LMNTD1: variants seen among roughly 807,000 people sequenced by gnomAD.
LMNTD1 encodes lamin tail domain containing 1.
Under a neutral mutation model 50.9 loss-of-function variants are expected in LMNTD1, and 35 were observed. The ratio of observed to expected loss-of-function variants is 0.69; its 90% CI spans 0.53 to 0.91. The LOEUF is 0.91. Among genes scored for constraint, LMNTD1 ranks in the 40% least tolerant of loss-of-function variants. LMNTD1 has a pLI of 0.00. For missense variants in LMNTD1, 470 were observed against 475.5 expected (o/e 0.99, Z 0.11); for synonymous variants, 153 against 161.9 (o/e 0.94, Z 0.42).
rs1449956627 is a variant in LMNTD1 at position 25,529,640 on chromosome 12, A to G, written c.492-2685T>C. 2.0e-5 allele frequency among the ~76,000 whole-genome samples: 3 copies of G among 152,082 alleles called. No homozygotes were observed. In the South Asian group the frequency reaches 6.2e-4, roughly 31 times the overall value. Reference sequence around the variant, plus strand: ...TGACTGCTGCCTTTATCACGCTCTCATCATTTCTGTGAGACACTGAATCAA... The same window carrying G: ...TGACTGCTGCCTTTATCACGCTCTCGTCATTTCTGTGAGACACTGAATCAA... On this transcript the variant is annotated intron_variant, in intron 4 of 9. Coordinates refer to ENST00000458174, the MANE Select transcript of LMNTD1 (RefSeq NM_001145728.2).
chr12:25,529,322 T>C (rs1942052141), intron 4 of LMNTD1, among the ~76,000 whole-genome samples: 1 of 152,184 alleles, frequency 6.6e-6, no homozygotes, highest in South Asian at 2.1e-4. Context: ...ATTAATACAC[T>C]CATGACTGCT....
intron 1 of LMNTD1, among the ~76,000 whole-genome samples, chr12:25,645,218 G>A (rs1042360873): frequency 3.9e-5 from 6 of 152,102 alleles, no homozygotes; most frequent in Admixed American, 6.6e-5. Context: ...GGGAGAGTGG[G>A]GCCAGAAAAT....
At chr12:25,639,042 G>A (rs776737187) in intron 1 of LMNTD1, among the ~76,000 whole-genome samples, 12 of 152,018 alleles carry the variant, frequency 7.9e-5, no homozygotes, top group Non-Finnish European at 1.6e-4. Context: ...TTTTGACAAG[G>A]GTGCTAAGGC....
upstream of LMNTD1, among the ~76,000 whole-genome samples, chr12:25,557,909 T>C (rs1944108643): frequency 6.6e-6 from 1 of 152,258 alleles, no homozygotes; most frequent in South Asian, 2.1e-4. Flanking sequence ...TAACACATTA[T>C]TGGAGAACAA....
At chr12:25,623,763 A>G (rs906332977) in intron 1 of LMNTD1, among the ~76,000 whole-genome samples, 5 of 152,142 alleles carry the variant, frequency 3.3e-5, no homozygotes, top group Middle Eastern at 3.4e-3. Context: ...TGGCCAACAG[A>G]TGCTAAAAAC....
At chr12:25,548,745 A>G (rs984252028) in intron 3 of LMNTD1, among the ~76,000 whole-genome samples, 1 of 152,012 alleles carries the variant, frequency 6.6e-6, no homozygotes, top group African/African-American at 2.4e-5. Context: ...ACCCTAGAGC[A>G]TGGGTATTGC....
At chr12:25,545,699 CA>C (rs1268622774) in intron 4 of LMNTD1, among the ~76,000 whole-genome samples, 2 of 151,448 alleles carry the variant, frequency 1.3e-5, no homozygotes, top group African/African-American at 4.8e-5. Flanking sequence ...AGGTATTCTC[CA>C]CTGTTAAATT....
chr12:25,483,087 T>C (rs1938496191), intron 9 of LMNTD1, among the ~76,000 whole-genome samples: 1 of 151,978 alleles, frequency 6.6e-6, no homozygotes, highest in Non-Finnish European at 1.5e-5. Flanking sequence ...AACACAACCC[T>C]TAAAAATTAA....
chr12:25,481,902 CACACAT>C (rs975733747), intron 9 of LMNTD1, among the ~76,000 whole-genome samples: 8 of 147,974 alleles, frequency 5.4e-5, no homozygotes, highest in African/African-American at 2.1e-4. Context: ...CACACACACA[CACACAT>C]ATAGTGAAAG....
At chr12:25,500,498 G>A (rs967055475) in intron 9 of LMNTD1, among the ~76,000 whole-genome samples, 1 of 152,142 alleles carries the variant, frequency 6.6e-6, no homozygotes, top group East Asian at 1.9e-4. Flanking sequence ...ACTTTTATTA[G>A]GAATGCCTCC....
intron 1 of LMNTD1, among the ~76,000 whole-genome samples, chr12:25,619,250 CTCT>C (rs1946417542): frequency 1.3e-5 from 1 of 79,406 alleles, no homozygotes; most frequent in African/African-American, 5.1e-5. Flanking sequence ...CTCTCTCTCT[CTCT>C]ATATATATAT....
intron 1 of LMNTD1, among the ~76,000 whole-genome samples, chr12:25,648,340 T>C (rs1467082688): frequency 6.6e-6 from 1 of 152,214 alleles, no homozygotes; most frequent in Non-Finnish European, 1.5e-5. Flanking sequence ...TTTATTACTT[T>C]AGAAATTTCA....
rs58392351 is a variant in LMNTD1, at chr12:25,591,811, CAGAGAGAGAGAGAGAG to C, written c.59-45273_59-45258del. ...ACCTCCAGCTCCTAATAGCTCAGAA[CAGAGAGAGAGAGAGAG>C]AGAGAGAGAGAGAGAGAGAGAGAGA... On this transcript the variant is annotated intron_variant, in intron 1 of 7. Coordinates refer to the LMNTD1 transcript ENST00000445693. Among the ~76,000 whole-genome samples, 10 of 90,090 alleles carry C rather than the reference CAGAGAGAGAGAGAGAG, an allele frequency of 1.1e-4. No homozygotes were observed. The East Asian group carries it at 1.7e-3, about 15-fold the overall frequency. 59.1% of individuals were successfully genotyped at this position (90,090 alleles called of 152,430 possible).
rs532125436 is a variant in LMNTD1 at position 25,512,448 on chromosome 12, G to A, written c.1189+6347C>T. The stretch of plus-strand genomic sequence containing the variant: ...TTTAAAAAATAATTAATGCAAATAC[G>A]ACAATGTATTAATATTTTTCATTTG... On this transcript the variant is annotated intron_variant, in intron 8 of 9. Coordinates refer to ENST00000458174, the MANE Select transcript of LMNTD1 (RefSeq NM_001145728.2). Among the ~76,000 whole-genome samples the A allele has an allele frequency of 8.5e-5, 13 of 152,128 alleles. No homozygotes were observed. The East Asian group carries it at 1.2e-3, about 14-fold the overall frequency.
chr12:25,533,775 A>G (rs1037264806), intron 4 of LMNTD1, among the ~76,000 whole-genome samples: 7 of 152,216 alleles, frequency 4.6e-5, no homozygotes, highest in Non-Finnish European at 1.0e-4. Flanking sequence ...GTACATCACT[A>G]CGACAAGGTT....
chr12:25,585,459 T>C (rs1464082189), intron 1 of LMNTD1, among the ~76,000 whole-genome samples: 2 of 152,228 alleles, frequency 1.3e-5, no homozygotes, highest in East Asian at 3.8e-4. Context: ...CATTATGTAC[T>C]TAACCAACCA....
chr12:25,518,971 T>C lies in LMNTD1; in HGVS notation c.1017-4A>G. On this transcript the variant is annotated splice_polypyrimidine_tract_variant and splice_region_variant and intron_variant, in intron 7 of 9. Coordinates refer to ENST00000458174, the MANE Select transcript of LMNTD1 (RefSeq NM_001145728.2). Reference sequence around the variant, plus strand: ...GGTTGGTGGGATTTCCTTCTCTCTGTAAAAGAAAAAAGCCTAAATGGAACT... The same window carrying C: ...GGTTGGTGGGATTTCCTTCTCTCTGCAAAAGAAAAAAGCCTAAATGGAACT... The C allele has an allele frequency of 6.2e-7, 1 of 1,613,398 alleles. No individual in the cohort carries two copies. Among genetic ancestry groups the C allele is most frequent in the Non-Finnish European group, 8.5e-7 (1 of 1,179,792 alleles).
At chr12:25,596,238 C>T (rs952546078) in intron 1 of LMNTD1, among the ~76,000 whole-genome samples, 2 of 152,012 alleles carry the variant, frequency 1.3e-5, no homozygotes, top group East Asian at 3.9e-4. Context: ...AGCAGTATCA[C>T]CCTAATAACA....
At chr12:25,498,848 G>A (rs1359958061) in intron 9 of LMNTD1, among the ~76,000 whole-genome samples, 1 of 152,094 alleles carries the variant, frequency 6.6e-6, no homozygotes, top group Non-Finnish European at 1.5e-5. Context: ...CAACATGCTA[G>A]GCATCTTCAT....
Sources: gnomAD v4.1 joint callset for allele counts (sites outside exome capture counted in the v4.1 genomes callset) on GRCh38, gnomAD v4.1.1 for gene constraint, MANE v1.5 for transcripts, NCBI Gene and HGNC (gene_info 2026-07-23, HGNC 2026-07-21) for gene names.